The following AGBL4 variants were observed in gnomAD, a reference collection of about 807,000 sequenced individuals.
The protein encoded by AGBL4 is cytosolic carboxypeptidase 6.
In AGBL4, 58 loss-of-function variants were observed where a neutral mutation model predicts 66.4. The observed-to-expected ratio is 0.87, with a 90% CI of 0.71 to 1.09. AGBL4 has a LOEUF of 1.09. Among genes scored for constraint, AGBL4 ranks in the 50% least tolerant of loss-of-function variants. AGBL4 has a pLI of 0.00. For missense variants in AGBL4, 579 were observed against 631.0 expected (o/e 0.92, Z 0.88); for synonymous variants, 234 against 222.9 (o/e 1.05, Z -0.44).
intron 3 of AGBL4, among the ~76,000 whole-genome samples, chr1:49,470,522 C>T (rs1035834649): frequency 3.9e-5 from 6 of 151,922 alleles, no homozygotes; most frequent in Non-Finnish European, 7.4e-5. Context: ...TATGTGTTAG[C>T]AGGTGGAACT....
intron 1 of AGBL4, among the ~76,000 whole-genome samples, chr1:49,877,153 C>T (rs1056247549): frequency 1.3e-4 from 19 of 151,322 alleles, no homozygotes; most frequent in Non-Finnish European, 2.5e-4. Context: ...CCTTTATTTC[C>T]GTCTCCTGTG....
chr1:49,216,141 A>T (rs959594728), intron 4 of AGBL4, among the ~76,000 whole-genome samples: 2 of 152,142 alleles, frequency 1.3e-5, no homozygotes, highest in South Asian at 4.1e-4. Flanking sequence ...ATTACAGTAC[A>T]ATCTGGAAAG....
intron 1 of AGBL4, among the ~76,000 whole-genome samples, chr1:49,969,948 CATAA>C (rs1424716807): frequency 1.3e-5 from 2 of 152,264 alleles, no homozygotes; most frequent in Non-Finnish European, 2.9e-5. Flanking sequence ...TAAACACACA[CATAA>C]ACGGTAATTC....
chr1:49,801,368 C>T (rs1387846722), intron 2 of AGBL4, among the ~76,000 whole-genome samples: 2 of 152,190 alleles, frequency 1.3e-5, no homozygotes, highest in Non-Finnish European at 2.9e-5. Context: ...CTAGCCAACA[C>T]CTCAATTGCA....
intron 3 of AGBL4, among the ~76,000 whole-genome samples, chr1:49,610,715 G>C (rs1645139355): frequency 6.6e-6 from 1 of 152,120 alleles, no homozygotes; most frequent in Non-Finnish European, 1.5e-5. Context: ...ACCAGACACT[G>C]AACCTACTGG....
intron 6 of AGBL4, chr1:48,776,521 G>A: frequency 2.1e-6 from 2 of 961,816 alleles, no homozygotes; most frequent in South Asian, 2.1e-5. Context: ...GGCTCCCCCC[G>A]GTCCCCTCCG....
intron 3 of AGBL4, among the ~76,000 whole-genome samples, chr1:49,520,598 C>A (rs1455128188): frequency 2.0e-5 from 3 of 151,970 alleles, no homozygotes; most frequent in Non-Finnish European, 4.4e-5. Context: ...GCTCCCATTA[C>A]AATCTATACT....
At chr1:49,478,535 C>A (rs1181757857) in intron 3 of AGBL4, among the ~76,000 whole-genome samples, 1 of 151,568 alleles carries the variant, frequency 6.6e-6, no homozygotes, top group Non-Finnish European at 1.5e-5. Context: ...CTTACCCAGA[C>A]AAACAAAAGC....
At chr1:48,549,274 G>GAA (rs1461675644) in intron 11 of AGBL4, among the ~76,000 whole-genome samples, 1 of 152,202 alleles carries the variant, frequency 6.6e-6, no homozygotes, top group Admixed American at 6.5e-5. Context: ...ATGTGACAAT[G>GAA]AAATATCTTT....
At chr1:50,006,203 G>T (rs1480917965) in intron 1 of AGBL4, among the ~76,000 whole-genome samples, 1 of 152,100 alleles carries the variant, frequency 6.6e-6, no homozygotes, top group African/African-American at 2.4e-5. Flanking sequence ...GCCAGGCGTG[G>T]TGGCGGGTGC....
intron 2 of AGBL4, among the ~76,000 whole-genome samples, chr1:49,822,085 A>C (rs1227790022): frequency 6.6e-6 from 1 of 152,146 alleles, no homozygotes; most frequent in Non-Finnish European, 1.5e-5. Context: ...CCATTTAAAA[A>C]TATTTTAACC....
chr1:49,129,314 C>A (rs1293075441), intron 4 of AGBL4, among the ~76,000 whole-genome samples: 1 of 151,228 alleles, frequency 6.6e-6, no homozygotes, highest in Non-Finnish European at 1.5e-5. Context: ...GTTGTTTTTT[C>A]ATTTTATTAT....
chr1:49,560,892 G>A (rs1644022090), intron 3 of AGBL4, among the ~76,000 whole-genome samples: 1 of 152,002 alleles, frequency 6.6e-6, no homozygotes, highest in South Asian at 2.1e-4. Context: ...AGGGAATAAA[G>A]ATTTTCCCAG....
At chr1:49,647,048 C>G (rs1046953796) in intron 3 of AGBL4, among the ~76,000 whole-genome samples, 2 of 151,296 alleles carry the variant, frequency 1.3e-5, no homozygotes, top group African/African-American at 4.8e-5. Flanking sequence ...GAACATATAC[C>G]TAAATGTAAA....
chr1:49,077,583 T>C (rs976117775), intron 4 of AGBL4, among the ~76,000 whole-genome samples: 9 of 152,182 alleles, frequency 5.9e-5, no homozygotes, highest in Non-Finnish European at 1.2e-4. Flanking sequence ...ACTAACTTGT[T>C]AGTAAGGTAT....
chr1:50,023,384 G>A (rs1184071748), intron 1 of AGBL4, among the ~76,000 whole-genome samples: 1 of 152,016 alleles, frequency 6.6e-6, no homozygotes, highest in Non-Finnish European at 1.5e-5. Flanking sequence ...CCCCTTTAGG[G>A]ATCTCTCCCA....
At chr1:49,936,900 G>A (rs1186832690) in intron 1 of AGBL4, among the ~76,000 whole-genome samples, 1 of 152,146 alleles carries the variant, frequency 6.6e-6, no homozygotes. Context: ...GAATTATACA[G>A]ACCATCGAGG....
At chr1:49,472,642 T>C (rs538790637) in intron 3 of AGBL4, among the ~76,000 whole-genome samples, 1 of 152,072 alleles carries the variant, frequency 6.6e-6, no homozygotes, top group South Asian at 2.1e-4. Context: ...TTTGCTTTGT[T>C]TTGTTTAGTT....
chr1:48,748,221 G>C (rs1031921921), intron 6 of AGBL4, among the ~76,000 whole-genome samples: 19 of 152,310 alleles, frequency 1.2e-4, no homozygotes, highest in African/African-American at 4.3e-4. Context: ...CTGGGTAGGA[G>C]GATCCCCCTC....
Sources: gnomAD v4.1 joint callset for allele counts (sites outside exome capture counted in the v4.1 genomes callset) on GRCh38, gnomAD v4.1.1 for gene constraint, MANE v1.5 for transcripts, NCBI Gene and HGNC (gene_info 2026-07-23, HGNC 2026-07-21) for gene names.